Variants in KHDRBS3 observed in about 807,000 individuals in gnomAD.
KHDRBS3 encodes KH RNA binding domain containing, signal transduction associated 3.
In KHDRBS3, 23 loss-of-function variants were observed where a neutral mutation model predicts 45.6. The ratio of observed to expected loss-of-function variants is 0.50; its 90% confidence interval spans 0.36 to 0.72. KHDRBS3 has a LOEUF of 0.72. KHDRBS3 is among the 30% of genes least tolerant of loss of function. The pLI is 0.00. For missense variants in KHDRBS3, 352 were observed against 424.8 expected (o/e 0.83, Z 1.51); for synonymous variants, 162 against 156.5 (o/e 1.04, Z -0.26).
rs115667726 is a variant in KHDRBS3, at chr8:135,603,393, C to T, written c.808-3562C>T. 2.9e-3 allele frequency among the ~76,000 whole-genome samples: 443 copies of T among 152,276 alleles called. 3 individuals are homozygous for T. Among genetic ancestry groups the T allele is most frequent in the African/African-American group, 0.01 (431 of 41,552 alleles). ...GTAATGTCTGCATTTTGCTACTTACCTGATAACCAAAATCATCTCAAAGTA... is the reference window on the plus strand; with the variant it reads ...GTAATGTCTGCATTTTGCTACTTACTTGATAACCAAAATCATCTCAAAGTA... On this transcript the variant is annotated intron_variant, in intron 6 of 8. Coordinates refer to ENST00000355849, the MANE Select transcript of KHDRBS3 (RefSeq NM_006558.3).
At chr8:135,542,846 A>T (rs964747802) in intron 3 of KHDRBS3, 76 bp downstream of exon 3, 28 of 965,786 alleles carry the variant, frequency 2.9e-5, no homozygotes, top group Non-Finnish European at 4.0e-5. Context: ...CACTGTATTC[A>T]TACATAGTTA....
chr8:135,574,806 C>G (rs1485906432), intron 5 of KHDRBS3, among the ~76,000 whole-genome samples: 11 of 152,198 alleles, frequency 7.2e-5, no homozygotes, highest in Middle Eastern at 3.4e-3. Flanking sequence ...TCACCATTAC[C>G]GTTCAGAGTG....
intron 2 of KHDRBS3, chr8:135,541,466 A>G (rs946623129): frequency 2.0e-5 from 3 of 152,242 alleles, no homozygotes; most frequent in Non-Finnish European, 2.9e-5. Flanking sequence ...AAAAATATAT[A>G]TTTGAGTTTT....
At chr8:135,520,704 G>A (rs561308516) in intron 1 of KHDRBS3, among the ~76,000 whole-genome samples, 92 of 152,322 alleles carry the variant, frequency 6.0e-4, no homozygotes, top group African/African-American at 2.0e-3. Context: ...AGAGCGAAGA[G>A]CATTAGTAAA....
At chr8:135,559,402 G>A (rs967692455) in intron 5 of KHDRBS3, among the ~76,000 whole-genome samples, 1 of 151,924 alleles carries the variant, frequency 6.6e-6, no homozygotes, top group Non-Finnish European at 1.5e-5. Flanking sequence ...ACCCGGGCTG[G>A]AGTGCAGTAG....
At chr8:135,615,495 T>C (rs1829879493) in intron 7 of KHDRBS3, among the ~76,000 whole-genome samples, 1 of 152,076 alleles carries the variant, frequency 6.6e-6, no homozygotes, top group Non-Finnish European at 1.5e-5. Context: ...CTTAATGACA[T>C]TATTGATTTC....
intron 1 of KHDRBS3, among the ~76,000 whole-genome samples, chr8:135,506,023 A>G (rs755710148): frequency 6.6e-6 from 1 of 152,204 alleles, no homozygotes; most frequent in Non-Finnish European, 1.5e-5. Flanking sequence ...AGGACAGCGT[A>G]TAGGCGGGTA....
intron 5 of KHDRBS3, among the ~76,000 whole-genome samples, chr8:135,564,565 T>C (rs1319815424): frequency 6.6e-6 from 1 of 152,148 alleles, no homozygotes; most frequent in Non-Finnish European, 1.5e-5. Context: ...ACTAAGGACA[T>C]TGTGAACTGA....
Position 135,470,576 on chromosome 8 carries a change from T to C in KHDRBS3, c.88+12622T>C, listed in dbSNP as rs201238190. On this transcript the variant is annotated intron_variant, in intron 1 of 8. Coordinates refer to ENST00000355849, the MANE Select transcript of KHDRBS3 (RefSeq NM_006558.3). ...TCCCCCTTGGTCAGGGTTTTGCTGCTTTTTTTTTTTTTTCTTCTTCTTTCC... is the reference window on the plus strand; with the variant it reads ...TCCCCCTTGGTCAGGGTTTTGCTGCCTTTTTTTTTTTTTCTTCTTCTTTCC... Among the ~76,000 whole-genome samples the C allele has an allele frequency of 5.2e-3, 624 of 119,040 alleles. 6 individuals carry two copies. Among genetic ancestry groups the C allele is most frequent in the African/African-American group, 0.024 (581 of 23,934 alleles). 78.1% of individuals were successfully genotyped at this position (119,040 alleles called of 152,430 possible).
chr8:135,551,608 G>A (rs1826605611), intron 4 of KHDRBS3, among the ~76,000 whole-genome samples: 1 of 152,080 alleles, frequency 6.6e-6, no homozygotes, highest in Admixed American at 6.5e-5. Flanking sequence ...ATTCCCACTT[G>A]GTCATGGCAT....
chr8:135,480,266 A>C (rs1455109366), intron 1 of KHDRBS3, among the ~76,000 whole-genome samples: 1 of 152,170 alleles, frequency 6.6e-6, no homozygotes, highest in Non-Finnish European at 1.5e-5. Context: ...TCTATTCCAC[A>C]TTGTCTTGGA....
rs571071805 is a variant in KHDRBS3 at position 135,598,016 on chromosome 8, A to G, written c.808-8939A>G. Among the ~76,000 whole-genome samples, 160 of 152,358 alleles carry G rather than the reference A, an allele frequency of 1.1e-3. 1 individual carries two copies. The highest frequency in any genetic ancestry group is 1.9e-3 in the Non-Finnish European group (130 of 68,032). On this transcript the variant is annotated intron_variant, in intron 6 of 8. Transcript: ENST00000355849. ...GATATGAACTAAGAGAAGAGATCCT[A>G]TGAATGATTGACACAGACATATTTT...
At chr8:135,481,225 T>TATATATAC (rs1822553820) in intron 1 of KHDRBS3, among the ~76,000 whole-genome samples, 1 of 51,162 alleles carries the variant, frequency 2.0e-5, no homozygotes, top group Non-Finnish European at 3.4e-5. Flanking sequence ...AAAGCCACGA[T>TATATATAC]ATATATATAT....
chr8:135,576,473 C>T (rs948160750), intron 5 of KHDRBS3, among the ~76,000 whole-genome samples: 1 of 152,154 alleles, frequency 6.6e-6, no homozygotes, highest in Non-Finnish European at 1.5e-5. Context: ...CAATTCAGTA[C>T]CACTGTCTTT....
rs142264758 is a variant in KHDRBS3 at position 135,508,922 on chromosome 8, G to A, written c.89-12315G>A. Among the ~76,000 whole-genome samples the A allele has an allele frequency of 9.2e-3, 1,395 of 152,088 alleles. 8 individuals carry two copies. Among genetic ancestry groups the A allele is most frequent in the Middle Eastern group, 0.017 (5 of 294 alleles). On this transcript the variant is annotated intron_variant, in intron 1 of 8. Coordinates refer to ENST00000355849, the MANE Select transcript of KHDRBS3 (RefSeq NM_006558.3). ...TAGCCAGTCTTTCTAGCCAGTTTCC[G>A]TAAATATTTATTTCAGAACTTTCCT...
chr8:135,542,934 C>T (rs1826115426), intron 3 of KHDRBS3, among the ~76,000 whole-genome samples, 164 bp downstream of exon 3: 1 of 152,270 alleles, frequency 6.6e-6, no homozygotes, highest in South Asian at 2.1e-4. Flanking sequence ...GTAACTTAAA[C>T]CTGCATCTGT....
At chr8:135,532,241 A>G (rs1825513758) in intron 2 of KHDRBS3, among the ~76,000 whole-genome samples, 1 of 152,164 alleles carries the variant, frequency 6.6e-6, no homozygotes, top group Non-Finnish European at 1.5e-5. Context: ...TATTTAAGTA[A>G]TCATTGTGTT....
At chr8:135,641,803 C>T (rs142576192) in intron 7 of KHDRBS3, among the ~76,000 whole-genome samples, 1 of 152,324 alleles carries the variant, frequency 6.6e-6, no homozygotes, top group East Asian at 1.9e-4. Flanking sequence ...TTTCAATTCT[C>T]AAGACAAGAG....
At chr8:135,592,141 C>A (rs1388805412) in intron 6 of KHDRBS3, among the ~76,000 whole-genome samples, 1 of 152,040 alleles carries the variant, frequency 6.6e-6, no homozygotes, top group East Asian at 1.9e-4. Flanking sequence ...CTTCACAAAT[C>A]AATCTTTTGC....
Sources: gnomAD v4.1 joint callset for allele counts (sites outside exome capture counted in the v4.1 genomes callset) on GRCh38, gnomAD v4.1.1 for gene constraint, MANE v1.5 for transcripts, NCBI Gene and HGNC (gene_info 2026-07-23, HGNC 2026-07-21) for gene names.